AMPD2: variants seen among roughly 807,000 people sequenced by gnomAD.
The protein encoded by AMPD2 is adenosine monophosphate deaminase 2.
In AMPD2, 52 loss-of-function variants were observed where a neutral mutation model predicts 91.3. That is an observed-to-expected ratio of 0.57 (90% CI 0.46 to 0.72). The LOEUF is 0.72. AMPD2 is among the 30% of genes least tolerant of loss of function. AMPD2 has a pLI of 0.00. For synonymous variants in AMPD2, 455 were observed against 456.4 expected (o/e 1.00, Z 0.04); for missense variants, 822 against 1,122.3 (o/e 0.73, Z 3.82).
In AMPD2 at chr1:109,628,008, CT is replaced by C; in HGVS notation, c.1081-72del. ...CACACAGCATCCAGTACAGAGGGTC[CT>C]TTCCCATTGCACTGCCCCAGGCCCC... On this transcript the variant is annotated intron_variant, in intron 10 of 18. Coordinates refer to ENST00000528667, the MANE Select transcript of AMPD2 (RefSeq NM_001368809.2). This position sits in a 1 kb window ranked among gnomAD's most constrained non-coding sequence, Gnocchi z 7.1. 6.3e-7 allele frequency: 1 copy of C among 1,597,456 alleles called. No individual in the cohort carries two copies. Among genetic ancestry groups the C allele is most frequent in the Non-Finnish European group, 8.5e-7 (1 of 1,170,348 alleles).
chr1:109,629,326 G>A lies in AMPD2; in HGVS notation c.1699-1G>A. The A allele has an allele frequency of 6.2e-7, 1 of 1,614,160 alleles. No individual in the cohort carries two copies. The highest frequency in any genetic ancestry group is 2.2e-5 in the East Asian group (1 of 44,882). On this transcript the variant is annotated splice_acceptor_variant, in intron 14 of 18. Coordinates refer to ENST00000528667, the MANE Select transcript of AMPD2 (RefSeq NM_001368809.2). LOFTEE classifies it high-confidence loss of function. ...GTTCTGACCCCAGGGTTCTGTATTA[G>A]GTGGATGGTTTTGACAGCGTGGATG...
chr1:109,626,369 G>A lies in AMPD2; in HGVS notation c.473G>A (p.Arg158His), dbSNP rs1443795783. ...EGQGDRSLRE[R>H]DVLEREFQRV... ...CAGGGTGACCGGAGCCTGCGGGAGCGTGATGTGCTGGAACGGGAGTTTCAG... is the reference window on the plus strand; with the variant it reads ...CAGGGTGACCGGAGCCTGCGGGAGCATGATGTGCTGGAACGGGAGTTTCAG... Residue 158 changes from arginine to histidine, a missense_variant, in exon 6 of 19, where the codon CGT (arginine) becomes CAT (histidine). Coordinates refer to ENST00000528667, the MANE Select transcript of AMPD2 (RefSeq NM_001368809.2). 5 of 1,612,374 alleles carry A rather than the reference G, an allele frequency of 3.1e-6. No individual in the cohort carries two copies. Among genetic ancestry groups the A allele is most frequent in the African/African-American group, 1.3e-5 (1 of 74,824 alleles).
At position 109,625,183 on chromosome 1, in the gene AMPD2, AG is replaced by A; in HGVS notation, c.92-117del. On this transcript the variant is annotated intron_variant, in intron 2 of 18. Coordinates refer to ENST00000528667, the MANE Select transcript of AMPD2 (RefSeq NM_001368809.2). The surrounding 1 kb of genome is among the most constrained non-coding windows in gnomAD (Gnocchi z 4.0). ...CAGGCCTACTCCTCAGCTACTGAGG[AG>A]GGACTGCCCTCTTTCCCGACCCTGG... 1.4e-6 allele frequency: 2 copies of A among 1,384,934 alleles called. No individual in the cohort carries two copies. Among genetic ancestry groups the A allele is most frequent in the Non-Finnish European group, 2.0e-6 (2 of 1,020,640 alleles). The allele number at this position is 1,384,934 out of a possible 1,614,324, so 85.8% of individuals were successfully genotyped here.
chr1:109,628,160 G>T lies in AMPD2; in HGVS notation c.1158G>T (p.Arg386=). 6.2e-7 allele frequency: 1 copy of T among 1,614,120 alleles called. No homozygotes were observed. Among genetic ancestry groups the T allele is most frequent in the Non-Finnish European group, 8.5e-7 (1 of 1,180,052 alleles). ...LLRFIKRAMK[R]HLEEIVHVEQ... The stretch of plus-strand genomic sequence containing the variant: ...GCTTCATCAAGCGGGCAATGAAGCG[G>T]CACCTGGAGGAGATCGTGCACGTGG... Residue 386 remains arginine, a synonymous_variant, in exon 11 of 19, where the codon CGG becomes CGT. Coordinates refer to ENST00000528667, the MANE Select transcript of AMPD2 (RefSeq NM_001368809.2). This position sits in a 1 kb window ranked among gnomAD's most constrained non-coding sequence, Gnocchi z 7.1.
chr1:109,630,007 C>T, intron 16 of AMPD2, 91 bp downstream of exon 16: 5 of 1,516,768 alleles, frequency 3.3e-6, no homozygotes, highest in East Asian at 4.5e-5. Context: ...TCCTCCCACC[C>T]AGCCCTCAGA....
intron 2 of AMPD2, chr1:109,622,158 C>T (rs1352596931): frequency 2.0e-5 from 9 of 455,496 alleles, no homozygotes; most frequent in South Asian, 1.2e-4. Flanking sequence ...AAGTATCAAC[C>T]TCCTATATTT....
chr1:109,626,597 G>T, intron 6 of AMPD2, 129 bp from the exon 7 acceptor site: 1 of 1,371,432 alleles, frequency 7.3e-7, no homozygotes. Context: ...CTGGACCAGG[G>T]TGATCTGAGT....
intron 2 of AMPD2, 163 bp downstream of exon 2, chr1:109,621,429 T>TGTGGGGGGGGGGGGG: frequency 2.2e-5 from 3 of 139,164 alleles, no homozygotes; most frequent in African/African-American, 9.1e-5. Flanking sequence ...GAAGGTGGGG[T>TGTGGGGGGGGGGGGG]GAGGGGTGGT....
chr1:109,631,403 C>T lies in AMPD2; in HGVS notation c.*251C>T. ...GGCCTCCCCTGCTGGTGGCCCTGTC[C>T]TGGGATCCTCAGAAGCCTGACTGTC... On this transcript the variant is annotated 3_prime_UTR_variant, in exon 19 of 19. Transcript: ENST00000528667. The T allele has an allele frequency of 1.8e-6, 1 of 563,478 alleles. No homozygotes were observed. The highest frequency in any genetic ancestry group is 3.2e-6 in the Non-Finnish European group (1 of 315,060). 34.9% of individuals were successfully genotyped at this position (563,478 alleles called of 1,614,324 possible).
In AMPD2 at chr1:109,629,726, G is replaced by GT. The variant is rs1310441420; in HGVS notation, c.1863-70_1863-69insT. On this transcript the variant is annotated intron_variant, in intron 15 of 18. Transcript: ENST00000528667. Reference sequence around the variant, plus strand: ...CTGGAGGACATATGCGTGCTGGGTGGGGGTCAGGGGCTCCGGTGAGCCCAG... The same window carrying GT: ...CTGGAGGACATATGCGTGCTGGGTGGTGGGTCAGGGGCTCCGGTGAGCCCAG... The GT allele has an allele frequency of 1.5e-4, 234 of 1,531,948 alleles. 1 individual carries two copies. Among genetic ancestry groups the GT allele is most frequent in the Non-Finnish European group, 1.4e-5 (16 of 1,138,092 alleles). The allele number at this position is 1,531,948 out of a possible 1,614,324, so 94.9% of individuals were successfully genotyped here. A position where few individuals can be genotyped will look rare whatever the true frequency, so the allele number is the denominator to read the frequency against.
rs1651099625 is a variant in AMPD2 at position 109,630,258 on chromosome 1, A to G, written c.2009A>G (p.Tyr670Cys). The change falls in exon 17 of 19, where the codon TAC becomes TGC. Residue 670 changes from tyrosine to cysteine, a missense_variant. Tyr to Cys is a radical substitution (Grantham distance 194). Coordinates refer to ENST00000528667, the MANE Select transcript of AMPD2 (RefSeq NM_001368809.2). ...GCCCCCGTCCTGCAGTACCTGTACT[A>G]CCTGGCCCAGATCGGCATCGCCATG... Reference protein sequence around the residue: ...RKAPVLQYLYYLAQIGIAMSP... With the variant: ...RKAPVLQYLYCLAQIGIAMSP... The G allele has an allele frequency of 1.2e-6, 2 of 1,613,336 alleles. No homozygotes were observed. The highest frequency in any genetic ancestry group is 1.7e-6 in the Non-Finnish European group (2 of 1,179,986).
At chr1:109,621,439 T>TGGGGGGGTGGGGGGGGGG in intron 2 of AMPD2, 173 bp downstream of exon 2, 1 of 121,628 alleles carries the variant, frequency 8.2e-6, no homozygotes. Context: ...TGAGGGGTGG[T>TGGGGGGGTGGGGGGGGGG]GGGGGGCGGG....
intron 2 of AMPD2, among the ~76,000 whole-genome samples, chr1:109,623,106 G>T (rs549112472): frequency 1.3e-5 from 2 of 152,264 alleles, no homozygotes; most frequent in South Asian, 2.1e-4. Flanking sequence ...TCAGTGGGCG[G>T]GGCTACAGGT....
Position 109,625,133 on chromosome 1 carries a change from G to T in AMPD2, c.92-170G>T, listed in dbSNP as rs1234305559. 6.6e-6 allele frequency among the ~76,000 whole-genome samples: 1 copy of T among 152,092 alleles called. No homozygotes were observed. The highest frequency in any genetic ancestry group is 1.5e-5 in the Non-Finnish European group (1 of 67,988). On this transcript the variant is annotated intron_variant, in intron 2 of 18. Transcript: ENST00000528667. The surrounding 1 kb of genome is among the most constrained non-coding windows in gnomAD (Gnocchi z 4.0). The stretch of plus-strand genomic sequence containing the variant: ...AGGGGTCCCTGCGTTAGAGGTGAGG[G>T]TGAGCCCTTTGGGAGCCACACACAC...
chr1:109,621,265 A>T lies in AMPD2; in HGVS notation c.90A>T (p.Pro30=). ...GCCTGCAGGCCTCCACTGCAGCTCC[A>T]GGTGAGTGTGTGCTTCCTGGCCTCA... is the stretch of plus-strand genomic sequence containing the variant. ...RASLQASTAA[P]EARGGLGAPP... Residue 30 remains proline, a splice_region_variant and synonymous_variant, in exon 2 of 19, where the codon CCA becomes CCT. Coordinates refer to ENST00000528667, the MANE Select transcript of AMPD2 (RefSeq NM_001368809.2). 2 of 1,612,632 alleles carry T rather than the reference A, an allele frequency of 1.2e-6. No homozygotes were observed. Among genetic ancestry groups the T allele is most frequent in the Non-Finnish European group, 1.7e-6 (2 of 1,179,514 alleles).
In AMPD2 at chr1:109,628,058, T is replaced by C. The variant is rs777332149; in HGVS notation, c.1081-25T>C. The C allele has an allele frequency of 3.7e-6, 6 of 1,607,108 alleles. No homozygotes were observed. Among genetic ancestry groups the C allele is most frequent in the South Asian group, 1.1e-5 (1 of 90,486 alleles). On this transcript the variant is annotated intron_variant, in intron 10 of 18. Transcript: ENST00000528667. The surrounding 1 kb of genome is among the most constrained non-coding windows in gnomAD (Gnocchi z 7.1). ...CCAGACCTTCCTGGCCTCTGGTGGA[T>C]CAGCAGTGCCCTGTTCCATTCCAGG...
intron 2 of AMPD2, among the ~76,000 whole-genome samples, chr1:109,623,127 T>C (rs1650392474): frequency 6.6e-6 from 1 of 152,118 alleles, no homozygotes; most frequent in South Asian, 2.1e-4. Context: ...AGAATGTATT[T>C]TGAGGGTCCC....
chr1:109,623,518 C>T (rs1343592238), intron 2 of AMPD2, among the ~76,000 whole-genome samples: 4 of 152,180 alleles, frequency 2.6e-5, no homozygotes, highest in African/African-American at 9.7e-5. Flanking sequence ...GCCATTTCCC[C>T]AGCTGCCAGC....
In AMPD2 at chr1:109,625,219, G is replaced by C. The variant is rs1253813760; in HGVS notation, c.92-84G>C. ...TCTTTCCCGACCCTGGGCTCTCTCG[G>C]GAGCTGGCCTAGGCAGGGCAGGGGC... On this transcript the variant is annotated intron_variant, in intron 2 of 18. Coordinates refer to ENST00000528667, the MANE Select transcript of AMPD2 (RefSeq NM_001368809.2). This position sits in a 1 kb window ranked among gnomAD's most constrained non-coding sequence, Gnocchi z 4.0. 1.1e-5 allele frequency: 17 copies of C among 1,549,010 alleles called. No individual in the cohort carries two copies. The highest frequency in any genetic ancestry group is 1.4e-5 in the Non-Finnish European group (16 of 1,144,534).
Sources: allele counts gnomAD v4.1 joint callset (sites outside exome capture counted in the v4.1 genomes callset), GRCh38; gene constraint gnomAD v4.1.1; non-coding constraint Gnocchi (gnomAD v3.1); transcripts MANE v1.5; gene names NCBI Gene and HGNC (gene_info 2026-07-23, HGNC 2026-07-21).